ROBO2: variants seen among roughly 807,000 people sequenced by gnomAD.
The protein encoded by ROBO2 is roundabout homolog 2.
In ROBO2, 53 loss-of-function variants were observed where a neutral mutation model predicts 160.8. The ratio of observed to expected loss-of-function variants is 0.33; its 90% CI spans 0.26 to 0.41. ROBO2 has a LOEUF of 0.41. Ranked by LOEUF, ROBO2 falls within the 10% of genes least tolerant of loss-of-function variation. The pLI, the probability that ROBO2 is intolerant of heterozygous loss-of-function variation, is 1.00. For synonymous variants in ROBO2, 664 were observed against 611.7 expected, an observed-to-expected ratio of 1.09 and a Z score of -1.26; for missense variants, 1,577 against 1,722.4, an observed-to-expected ratio of 0.92 and a Z score of 1.49.
intron 2 of ROBO2, among the ~76,000 whole-genome samples, chr3:77,320,999 A>G (rs948232112): frequency 6.6e-6 from 1 of 152,160 alleles, no homozygotes; most frequent in African/African-American, 2.4e-5. Context: ...TCCCACACAT[A>G]CAACACACAA....
In ROBO2 at chr3:76,583,327, C is replaced by T. The variant is rs530923110; in HGVS notation, c.110-514687C>T. ...AGGACAGCGCTTAGTTGCAGTAGAA[C>T]AGGAAGAAAAAATTATGTTGAGATG... On this transcript the variant is annotated intron_variant, in intron 2 of 26. Transcript: ENST00000487694. Among the ~76,000 whole-genome samples, 9 of 152,206 alleles carry T rather than the reference C, an allele frequency of 5.9e-5. No homozygotes were observed. In the South Asian group the frequency reaches 1.0e-3, roughly 18 times the overall value.
chr3:76,862,709 T>G (rs1358035062), intron 2 of ROBO2, among the ~76,000 whole-genome samples: 1 of 152,106 alleles, frequency 6.6e-6, no homozygotes, highest in Non-Finnish European at 1.5e-5. Context: ...TTGGGGAATG[T>G]GAGACTGACC....
chr3:77,201,161 G>A (rs1028982972), intron 2 of ROBO2, among the ~76,000 whole-genome samples: 2 of 152,096 alleles, frequency 1.3e-5, no homozygotes, highest in Non-Finnish European at 2.9e-5. Flanking sequence ...GAAAACCAAA[G>A]CTACAGAGAT....
At position 77,115,070 on chromosome 3, in the gene ROBO2, A is replaced by G. The variant is rs141101498; in HGVS notation, c.388+16730A>G. On this transcript the variant is annotated intron_variant, in intron 2 of 25. Transcript: ENST00000461745. Reference sequence around the variant, plus strand: ...TATATGTAACATCTTTCCATCTTAGATATGTTGGAAACTCCAGAAAAGTTT... The same window carrying G: ...TATATGTAACATCTTTCCATCTTAGGTATGTTGGAAACTCCAGAAAAGTTT... 1.2e-3 allele frequency among the ~76,000 whole-genome samples: 190 copies of G among 152,210 alleles called. 1 individual carries two copies. Among genetic ancestry groups the G allele is most frequent in the African/African-American group, 4.0e-3 (165 of 41,544 alleles).
chr3:76,721,387 C>T (rs1027379768), intron 2 of ROBO2, among the ~76,000 whole-genome samples: 1 of 152,134 alleles, frequency 6.6e-6, no homozygotes. Flanking sequence ...AGTCTTTTGG[C>T]TCTTCCATTT....
chr3:76,446,481 A>G (rs1311193345), intron 2 of ROBO2, among the ~76,000 whole-genome samples: 1 of 152,168 alleles, frequency 6.6e-6, no homozygotes, highest in East Asian at 1.9e-4. Context: ...TAATTAATAG[A>G]TTCAATGCCA....
At position 77,588,721 on chromosome 3, in the gene ROBO2, T is replaced by C. The variant is rs371011885; in HGVS notation, c.2501-30T>C. 1.9e-5 allele frequency: 31 copies of C among 1,601,240 alleles called. No individual in the cohort carries two copies. In the South Asian group the frequency reaches 2.2e-4, roughly 11 times the overall value. On this transcript the variant is annotated intron_variant, in intron 16 of 25. Coordinates refer to ENST00000461745, the Ensembl canonical transcript of ROBO2. ...ATTCCTGTGCTTATTTTCGTTTTAA[T>C]ATATACTAATACTATGGTTTTTTCC...
chr3:76,934,125 A>T (rs548952781), intron 2 of ROBO2, among the ~76,000 whole-genome samples: 70 of 152,110 alleles, frequency 4.6e-4, no homozygotes, highest in African/African-American at 1.3e-3. Flanking sequence ...TGACAGCTTC[A>T]TTGATAGCTG....
At chr3:76,603,214 C>T (rs1364130022) in intron 2 of ROBO2, among the ~76,000 whole-genome samples, 3 of 150,506 alleles carry the variant, frequency 2.0e-5, no homozygotes, top group African/African-American at 7.3e-5. Context: ...TACCTGTAGT[C>T]CCAGCTACTC....
chr3:76,295,144 CT>C (rs1238068105), intron 2 of ROBO2, among the ~76,000 whole-genome samples: 1 of 152,114 alleles, frequency 6.6e-6, no homozygotes, highest in Admixed American at 6.5e-5. Flanking sequence ...AATTCATTGA[CT>C]TTGACTCCTG....
At chr3:76,314,545 G>C (rs1050980514) in intron 2 of ROBO2, among the ~76,000 whole-genome samples, 9 of 151,930 alleles carry the variant, frequency 5.9e-5, no homozygotes, top group African/African-American at 2.2e-4. Flanking sequence ...TTCTGTCTCT[G>C]CCACCCCTGA....
intron 2 of ROBO2, among the ~76,000 whole-genome samples, chr3:76,726,574 C>T (rs922731802): frequency 2.5e-4 from 38 of 152,138 alleles, no homozygotes; most frequent in African/African-American, 9.2e-4. Flanking sequence ...TCTCCACCTC[C>T]ACCAACTCTG....
intron 2 of ROBO2, among the ~76,000 whole-genome samples, chr3:76,374,091 G>C (rs1330743005): frequency 6.6e-6 from 1 of 151,842 alleles, no homozygotes. Flanking sequence ...TTACATTTTT[G>C]ACTCATTTCT....
chr3:77,508,651 C>T (rs1236236128), intron 5 of ROBO2, among the ~76,000 whole-genome samples: 1 of 151,548 alleles, frequency 6.6e-6, no homozygotes, highest in Non-Finnish European at 1.5e-5. Context: ...ATAATGACCA[C>T]CATGTCAGTG....
chr3:75,997,873 A>G (rs1576426020), intron 2 of ROBO2, among the ~76,000 whole-genome samples: 2 of 152,136 alleles, frequency 1.3e-5, no homozygotes. Context: ...ATAACTGTGG[A>G]GTCTACCCAG....
intron 2 of ROBO2, among the ~76,000 whole-genome samples, chr3:77,216,281 G>T (rs1293288427): frequency 6.6e-6 from 1 of 152,096 alleles, no homozygotes; most frequent in South Asian, 2.1e-4. Context: ...AATGGCGGGC[G>T]CCCCTCCCCC....
intron 2 of ROBO2, among the ~76,000 whole-genome samples, chr3:76,108,986 A>G (rs980449085): frequency 2.6e-5 from 4 of 151,802 alleles, no homozygotes; most frequent in African/African-American, 9.7e-5. Flanking sequence ...GTATATGCTA[A>G]GTTTTTCAAG....
rs548675122 is a variant in ROBO2, at chr3:76,746,066, G to A, written c.110-351948G>A. ...TTCTCATTGTTCAAATCCCACCTAT[G>A]AGTGAGAATATACAGTGTTTGGTTT... On this transcript the variant is annotated intron_variant, in intron 2 of 26. Coordinates refer to the ROBO2 transcript ENST00000487694. 2.7e-5 allele frequency among the ~76,000 whole-genome samples: 4 copies of A among 145,474 alleles called. No homozygotes were observed. The Admixed American group carries it at 2.9e-4, about 10-fold the overall frequency.
chr3:77,360,720 A>G (rs906123610), intron 2 of ROBO2, among the ~76,000 whole-genome samples: 6 of 152,048 alleles, frequency 3.9e-5, no homozygotes, highest in Admixed American at 2.0e-4. Context: ...TTATGCATAC[A>G]AAGTTTCAGG....
Sources: allele counts gnomAD v4.1 joint callset (sites outside exome capture counted in the v4.1 genomes callset), GRCh38; gene constraint gnomAD v4.1.1; transcripts MANE v1.5; gene names NCBI Gene and HGNC (gene_info 2026-07-23, HGNC 2026-07-21).